AP3S1: variants seen among roughly 807,000 people sequenced by gnomAD.
AP3S1 encodes the protein AP-3 complex subunit sigma-1.
Under a neutral mutation model 21.3 loss-of-function variants are expected in AP3S1, and 12 were observed. That is an observed-to-expected ratio of 0.56 (90% CI 0.36 to 0.91). The LOEUF is 0.91. AP3S1 is among the 40% of genes least tolerant of loss of function. The pLI is 0.01. For missense variants in AP3S1, 116 were observed against 225.0 expected, an observed-to-expected ratio of 0.52 and a Z score of 3.10; for synonymous variants, 48 against 78.4, an observed-to-expected ratio of 0.61 and a Z score of 2.05.
chr5:115,889,713 C>T (rs574148750), intron 3 of AP3S1, among the ~76,000 whole-genome samples: 32 of 152,120 alleles, frequency 2.1e-4, no homozygotes, highest in African/African-American at 7.2e-4. Context: ...AAAATACAGA[C>T]CCTTGTAATC....
chr5:115,882,767 A>G (rs1580696343), intron 3 of AP3S1, among the ~76,000 whole-genome samples: 1 of 152,202 alleles, frequency 6.6e-6, no homozygotes, highest in African/African-American at 2.4e-5. Context: ...GCTGGCAGGC[A>G]TGAACGTTTA....
intron 3 of AP3S1, among the ~76,000 whole-genome samples, chr5:115,891,381 T>C (rs2112534309): frequency 6.6e-6 from 1 of 152,198 alleles, no homozygotes; most frequent in South Asian, 2.1e-4. Context: ...GGGGATAGTA[T>C]CAGATCCCAT....
chr5:115,880,746 G>A (rs572053231), intron 3 of AP3S1, among the ~76,000 whole-genome samples: 29 of 152,202 alleles, frequency 1.9e-4, no homozygotes, highest in African/African-American at 4.1e-4. Context: ...TTGAAGTTCC[G>A]AATATCCTTG....
chr5:115,895,101 A>G lies in AP3S1; in HGVS notation c.288A>G (p.Thr96=), dbSNP rs1750641085. 1.2e-6 allele frequency: 2 copies of G among 1,601,636 alleles called. No homozygotes were observed. Among genetic ancestry groups the G allele is most frequent in the East Asian group, 2.2e-5 (1 of 44,510 alleles). Residue 96 remains threonine, a synonymous_variant, in exon 4 of 6, where the codon ACA becomes ACG. Coordinates refer to ENST00000316788, the MANE Select transcript of AP3S1 (RefSeq NM_001284.4). The part of the protein sequence containing the change: ...ILDLIQVFVE[T]LDKCFENVCE... ...TTTTTCCATAGGTATTTGTGGAAAC[A>G]TTAGACAAATGTTTTGAAAATGTCT...
At chr5:115,859,820 G>A (rs1763044603) in intron 1 of AP3S1, among the ~76,000 whole-genome samples, 1 of 152,178 alleles carries the variant, frequency 6.6e-6, no homozygotes, top group Non-Finnish European at 1.5e-5. Flanking sequence ...GGTGAAGAAG[G>A]CCTGCCTCTA....
chr5:115,893,773 G>A (rs1750521007), intron 3 of AP3S1, among the ~76,000 whole-genome samples: 1 of 152,016 alleles, frequency 6.6e-6, no homozygotes, highest in Admixed American at 6.5e-5. Flanking sequence ...GGATAGTCCT[G>A]GTTTATAGCT....
chr5:115,904,522 GAGA>G (rs2112576408), intron 5 of AP3S1, among the ~76,000 whole-genome samples: 1 of 152,278 alleles, frequency 6.6e-6, no homozygotes, highest in East Asian at 1.9e-4. Flanking sequence ...TTTCCCAAAG[GAGA>G]AGTTTATAGT....
At chr5:115,848,729 C>G (rs1325280730) in intron 1 of AP3S1, among the ~76,000 whole-genome samples, 6 of 152,138 alleles carry the variant, frequency 3.9e-5, no homozygotes, top group African/African-American at 9.7e-5. Flanking sequence ...ATCTAGAGGG[C>G]CCAGTCCCCT....
Position 115,902,553 on chromosome 5 carries a change from A to C in AP3S1, c.346-332A>C, listed in dbSNP as rs77385652. Among the ~76,000 whole-genome samples, 867 of 152,056 alleles carry C rather than the reference A, an allele frequency of 5.7e-3. 8 individuals are homozygous for C. The highest frequency in any genetic ancestry group is 0.02 in the African/African-American group (817 of 41,500). Reference sequence around the variant, plus strand: ...CATATTTTAGTATTAAACTTCACATAATAATAATAATAATGGTAGTTAATA... The same window carrying C: ...CATATTTTAGTATTAAACTTCACATCATAATAATAATAATGGTAGTTAATA... On this transcript the variant is annotated intron_variant, in intron 4 of 5. Coordinates refer to ENST00000316788, the MANE Select transcript of AP3S1 (RefSeq NM_001284.4).
intron 3 of AP3S1, among the ~76,000 whole-genome samples, chr5:115,893,910 C>G (rs1464705869): frequency 6.6e-6 from 1 of 152,052 alleles, no homozygotes; most frequent in East Asian, 1.9e-4. Flanking sequence ...GTCCCTTTAT[C>G]TTAAGTTACC....
intron 1 of AP3S1, among the ~76,000 whole-genome samples, chr5:115,862,596 A>G (rs919893872): frequency 6.6e-6 from 1 of 152,210 alleles, no homozygotes; most frequent in Non-Finnish European, 1.5e-5. Context: ...TACTACTGTA[A>G]TAATTCCAAC....
intron 3 of AP3S1, among the ~76,000 whole-genome samples, chr5:115,874,961 A>G (rs2112853199): frequency 6.6e-6 from 1 of 152,306 alleles, no homozygotes; most frequent in Middle Eastern, 3.4e-3. Context: ...AACAGGGATA[A>G]TAATAATAAC....
intron 2 of AP3S1, among the ~76,000 whole-genome samples, chr5:115,867,377 A>G (rs951899458): frequency 6.6e-6 from 1 of 152,142 alleles, no homozygotes; most frequent in Non-Finnish European, 1.5e-5. Flanking sequence ...CAGCTAATCA[A>G]TTTTTCTATT....
intron 3 of AP3S1, among the ~76,000 whole-genome samples, chr5:115,873,443 A>G (rs1190708847): frequency 1.3e-5 from 2 of 152,186 alleles, no homozygotes; most frequent in Non-Finnish European, 2.9e-5. Context: ...TGTTTTTACA[A>G]TACCCCTGAG....
At chr5:115,844,997 G>C (rs941548338) in intron 1 of AP3S1, among the ~76,000 whole-genome samples, 1 of 152,188 alleles carries the variant, frequency 6.6e-6, no homozygotes, top group African/African-American at 2.4e-5. Flanking sequence ...GCTTGGGATA[G>C]AGTTGGGATT....
chr5:115,865,425 T>C (rs532979635), intron 1 of AP3S1, among the ~76,000 whole-genome samples: 1 of 152,294 alleles, frequency 6.6e-6, no homozygotes, highest in East Asian at 1.9e-4. Flanking sequence ...AAGGGTCAAC[T>C]GTCTATGTAA....
At chr5:115,856,642 C>CCTT (rs56133528) in intron 1 of AP3S1, among the ~76,000 whole-genome samples, 2 of 151,310 alleles carry the variant, frequency 1.3e-5, no homozygotes, top group Non-Finnish European at 2.9e-5. Flanking sequence ...GTTTTTAAAA[C>CCTT]GTTGTTGTTG....
intron 1 of AP3S1, among the ~76,000 whole-genome samples, chr5:115,844,188 G>T (rs1259031370): frequency 1.3e-5 from 2 of 151,918 alleles, no homozygotes; most frequent in Non-Finnish European, 2.9e-5. Context: ...TTTTTTTTCA[G>T]TCATTCATTC....
intron 3 of AP3S1, among the ~76,000 whole-genome samples, chr5:115,882,243 C>G (rs576601460): frequency 6.6e-6 from 1 of 152,026 alleles, no homozygotes; most frequent in Non-Finnish European, 1.5e-5. Context: ...TGTTCCCTTG[C>G]TTTTGAGGAA....
Sources: gnomAD v4.1 joint callset for allele counts (sites outside exome capture counted in the v4.1 genomes callset) on GRCh38, gnomAD v4.1.1 for gene constraint, MANE v1.5 for transcripts, NCBI Gene and HGNC (gene_info 2026-07-23, HGNC 2026-07-21) for gene names.